The following PRKN variants were observed in gnomAD, a reference collection of about 807,000 sequenced individuals.
PRKN encodes E3 ubiquitin-protein ligase parkin.
In PRKN, 56 loss-of-function variants were observed where a neutral mutation model predicts 59.5. The observed-to-expected ratio is 0.94, with a 90% CI of 0.76 to 1.18. PRKN has a LOEUF of 1.18. Ranked by LOEUF, PRKN falls within the 50% of genes most tolerant of loss-of-function variation. PRKN has a pLI of 0.00. For missense variants in PRKN, 657 were observed against 596.4 expected, an observed-to-expected ratio of 1.10 and a Z score of -1.06; for synonymous variants, 250 against 222.1, an observed-to-expected ratio of 1.13 and a Z score of -1.12.
At chr6:161,874,401 ATAT>A (rs1392043059) in intron 6 of PRKN, among the ~76,000 whole-genome samples, 11 of 82,700 alleles carry the variant, frequency 1.3e-4, no homozygotes, top group Non-Finnish European at 2.4e-4. Flanking sequence ...TATATGTAAA[ATAT>A]TATATATAAA....
rs1358225228 is a variant in PRKN at position 161,566,806 on chromosome 6, T to C, written c.933+2549A>G. On this transcript the variant is annotated intron_variant, in intron 8 of 11. Transcript: ENST00000366898. The surrounding 1 kb of genome is among the most constrained non-coding windows in gnomAD (Gnocchi z 4.1). ...CCCTCCCCTCCACCAGTCACACTTG[T>C]TTCTGGACTATTATGAATGTTAAAG... Among the ~76,000 whole-genome samples, 1 of 152,118 alleles carries C rather than the reference T, an allele frequency of 6.6e-6. No individual in the cohort carries two copies. The highest frequency in any genetic ancestry group is 1.9e-4 in the East Asian group (1 of 5,188).
intron 4 of PRKN, among the ~76,000 whole-genome samples, chr6:162,181,431 G>A (rs1783799591): frequency 6.6e-6 from 1 of 152,218 alleles, no homozygotes; most frequent in Non-Finnish European, 1.5e-5. Context: ...ACCACTTACA[G>A]CTTCTACTTC....
intron 7 of PRKN, among the ~76,000 whole-genome samples, chr6:161,770,293 G>A (rs963198360): frequency 3.3e-5 from 5 of 152,052 alleles, no homozygotes; most frequent in Non-Finnish European, 5.9e-5. Context: ...GAGGGCTCAC[G>A]TTCAATAGGC....
rs560649593 is a variant in PRKN at position 161,908,091 on chromosome 6, C to T, written c.734+65211G>A. Among the ~76,000 whole-genome samples the T allele has an allele frequency of 1.3e-4, 19 of 147,700 alleles. 1 individual carries two copies. In the South Asian group the frequency reaches 3.3e-3, roughly 25 times the overall value. On this transcript the variant is annotated intron_variant, in intron 6 of 11. Transcript: ENST00000366898. ...AGACTCCATCTCAAACTAACAACAA[C>T]GACAACAACAACAACAACAACAAAG...
Position 161,429,929 on chromosome 6 carries a change from C to A in PRKN, c.1084-43052G>T, listed in dbSNP as rs984687703. On this transcript the variant is annotated intron_variant, in intron 9 of 11. Transcript: ENST00000366898. This position sits in a 1 kb window ranked among gnomAD's most constrained non-coding sequence, Gnocchi z 4.2. ...CAGTTTTACGGAGGCCAGGAGAAGA[C>A]CAGAGGTTCCTGGGTCAGAGACAAA... Among the ~76,000 whole-genome samples, 1 of 152,138 alleles carries A rather than the reference C, an allele frequency of 6.6e-6. No homozygotes were observed. The highest frequency in any genetic ancestry group is 1.5e-5 in the Non-Finnish European group (1 of 68,034).
At chr6:162,217,298 CAA>C (rs1364630975) in intron 3 of PRKN, among the ~76,000 whole-genome samples, 1 of 152,156 alleles carries the variant, frequency 6.6e-6, no homozygotes, top group Non-Finnish European at 1.5e-5. Context: ...AGCAGAAAAA[CAA>C]ACACACACAT....
chr6:161,893,923 T>C (rs969158278), intron 6 of PRKN, among the ~76,000 whole-genome samples: 64 of 152,212 alleles, frequency 4.2e-4, no homozygotes, highest in African/African-American at 1.4e-3. Context: ...GCCAAACATT[T>C]TGGCACACGA....
chr6:161,694,294 A>C (rs1234355981), intron 7 of PRKN, among the ~76,000 whole-genome samples: 1 of 152,218 alleles, frequency 6.6e-6, no homozygotes, highest in Non-Finnish European at 1.5e-5. Context: ...ATAGTGGATC[A>C]ACTGTATACT....
chr6:161,685,421 TGATA>T (rs546338648), intron 7 of PRKN, among the ~76,000 whole-genome samples: 128 of 152,290 alleles, frequency 8.4e-4, no homozygotes, highest in African/African-American at 1.4e-3. Flanking sequence ...CTTGAAAACT[TGATA>T]GATAGTGTTT....
chr6:161,509,804 C>T (rs927475469), intron 9 of PRKN, among the ~76,000 whole-genome samples: 4 of 146,602 alleles, frequency 2.7e-5, no homozygotes, highest in Admixed American at 2.1e-4. Context: ...TGCTTGAACC[C>T]AGGAGGCAGA....
intron 9 of PRKN, among the ~76,000 whole-genome samples, chr6:161,412,682 CACTCATTCCTTTACTA>C (rs1787639449): frequency 6.6e-6 from 1 of 151,778 alleles, no homozygotes; most frequent in South Asian, 2.1e-4. Flanking sequence ...TTCCTCCGCT[CACTCATTCCTTTACTA>C]ACTCATTCCT....
At chr6:162,248,752 G>A (rs1057380422) in intron 3 of PRKN, among the ~76,000 whole-genome samples, 17 of 151,790 alleles carry the variant, frequency 1.1e-4, no homozygotes, top group African/African-American at 3.9e-4. Context: ...GAACTGATGA[G>A]TTAAATTATG....
At chr6:161,383,970 T>G (rs1183964711) in intron 10 of PRKN, among the ~76,000 whole-genome samples, 1 of 152,168 alleles carries the variant, frequency 6.6e-6, no homozygotes, top group Non-Finnish European at 1.5e-5. Context: ...ATAAGAGGAA[T>G]TGGAGGCTGG....
intron 4 of PRKN, among the ~76,000 whole-genome samples, chr6:162,096,564 G>C (rs1182936501): frequency 6.6e-6 from 1 of 152,162 alleles, no homozygotes; most frequent in Non-Finnish European, 1.5e-5. Flanking sequence ...CCTGGCAGAA[G>C]ATAACTGAAT....
chr6:161,591,055 T>TA (rs1781704445), intron 7 of PRKN, among the ~76,000 whole-genome samples: 1 of 152,196 alleles, frequency 6.6e-6, no homozygotes, highest in Non-Finnish European at 1.5e-5. Context: ...CATAACAGAT[T>TA]ACTCCGGTAT....
chr6:162,601,592 T>C (rs1781714442), intron 1 of PRKN, among the ~76,000 whole-genome samples: 1 of 152,138 alleles, frequency 6.6e-6, no homozygotes, highest in Non-Finnish European at 1.5e-5. Flanking sequence ...TTCCCAACTT[T>C]CTCTCATAAG....
intron 7 of PRKN, among the ~76,000 whole-genome samples, chr6:161,746,512 C>CA (rs796598370): frequency 1.3e-4 from 19 of 148,756 alleles, no homozygotes; most frequent in African/African-American, 3.4e-4. Context: ...ACCCAGAAAA[C>CA]AAAAAAAGCT....
intron 6 of PRKN, among the ~76,000 whole-genome samples, chr6:161,900,318 G>A (rs561269926): frequency 2.7e-5 from 4 of 150,512 alleles, no homozygotes; most frequent in African/African-American, 7.3e-5. Context: ...AGAAGCAGCA[G>A]CAGCAGCATC....
intron 7 of PRKN, among the ~76,000 whole-genome samples, chr6:161,701,439 T>C (rs1439666398): frequency 1.3e-5 from 2 of 152,204 alleles, no homozygotes; most frequent in Non-Finnish European, 2.9e-5. Context: ...TGATTTTTTA[T>C]ACCTCAGATA....
Sources: allele counts gnomAD v4.1 joint callset (sites outside exome capture counted in the v4.1 genomes callset), GRCh38; gene constraint gnomAD v4.1.1; non-coding constraint Gnocchi (gnomAD v3.1); transcripts MANE v1.5; gene names NCBI Gene and HGNC (gene_info 2026-07-23, HGNC 2026-07-21).